The following SCN9A variants were observed in gnomAD, a reference collection of about 807,000 sequenced individuals.
SCN9A encodes sodium channel protein type 9 subunit alpha.
SCN9A carries 131 observed loss-of-function variants against 187.0 expected under a neutral mutation model. The ratio of observed to expected loss-of-function variants is 0.70; its 90% CI spans 0.61 to 0.81. SCN9A has a LOEUF of 0.81. SCN9A is among the 30% of genes least tolerant of loss of function. The probability of loss-of-function intolerance (pLI) is 0.00; values close to 1 mark genes in which losing one functional copy is unlikely to be tolerated. For missense variants in SCN9A, 2,252 were observed against 2,396.6 expected, an observed-to-expected ratio of 0.94 and a Z score of 1.26; for synonymous variants, 809 against 808.6, an observed-to-expected ratio of 1.00 and a Z score of -0.01.
chr2:166,256,963 C>T (rs1233640496), intron 17 of SCN9A, among the ~76,000 whole-genome samples: 1 of 151,590 alleles, frequency 6.6e-6, no homozygotes, highest in Non-Finnish European at 1.5e-5. Flanking sequence ...AAAGCAACAA[C>T]AGTTGGCCAT....
chr2:166,306,559 A>T lies in SCN9A; in HGVS notation c.418T>A (p.Cys140Ser). 1 of 1,584,172 alleles carries T rather than the reference A, an allele frequency of 6.3e-7. No homozygotes were observed. Among genetic ancestry groups the T allele is most frequent in the Non-Finnish European group, 8.6e-7 (1 of 1,162,768 alleles). The change falls in exon 4 of 27, where the codon TGC becomes AGC. Residue 140 changes from cysteine (C) to serine (S), a missense_variant. Physicochemically the swap from Cys to Ser is moderately radical, Grantham distance 112. Coordinates refer to ENST00000642356, the MANE Select transcript of SCN9A (RefSeq NM_001365536.1). Reference sequence around the variant, plus strand: ...GGGTTATTCATGGTCATAAATATGCAGTTTGTCAGAATAGTGCACATGATG... The same window carrying T: ...GGGTTATTCATGGTCATAAATATGCTGTTTGTCAGAATAGTGCACATGATG... ...MLIMCTILTN[C>S]IFMTMNNPPD... is the part of the protein sequence containing the mutation.
chr2:166,305,676 T>C, intron 5 of SCN9A, 116 bp downstream of exon 5: 1 of 1,397,654 alleles, frequency 7.2e-7, no homozygotes, highest in Non-Finnish European at 9.9e-7. Context: ...CATTTTCCTT[T>C]AAATACAGAC....
intron 24 of SCN9A, among the ~76,000 whole-genome samples, chr2:166,210,259 G>A (rs1302365998): frequency 4.0e-5 from 6 of 151,876 alleles, no homozygotes; most frequent in Admixed American, 2.0e-4. Flanking sequence ...TGAACAATGA[G>A]AACACATGGA....
At chr2:166,228,364 C>G (rs1193602702) in intron 22 of SCN9A, among the ~76,000 whole-genome samples, 1 of 144,940 alleles carries the variant, frequency 6.9e-6, no homozygotes, top group South Asian at 2.2e-4. Flanking sequence ...TCACGTGATT[C>G]TCCTGCCTCA....
chr2:166,219,575 G>T (rs541521431), intron 24 of SCN9A, among the ~76,000 whole-genome samples: 91 of 152,218 alleles, frequency 6.0e-4, no homozygotes, highest in South Asian at 2.1e-3. Flanking sequence ...ATGGGAGGGT[G>T]AAGGGTGGGA....
At chr2:166,206,506 G>T (rs1341214917) in intron 24 of SCN9A, among the ~76,000 whole-genome samples, 1 of 152,088 alleles carries the variant, frequency 6.6e-6, no homozygotes, top group African/African-American at 2.4e-5. Context: ...ACACACCAGG[G>T]GCAGTTAGGG....
chr2:166,306,444 G>T (rs1374389449), intron 4 of SCN9A, 66 bp downstream of exon 4: 2 of 901,994 alleles, frequency 2.2e-6, no homozygotes, highest in African/African-American at 1.7e-5. Flanking sequence ...TAACTTCCTG[G>T]CAGGAAAAGG....
chr2:166,371,406 C>T (rs1019339293), intron 1 of SCN9A, among the ~76,000 whole-genome samples: 1 of 152,168 alleles, frequency 6.6e-6, no homozygotes, highest in African/African-American at 2.4e-5. Flanking sequence ...AGAAGGGTTT[C>T]ATTCCTCCAA....
intron 1 of SCN9A, among the ~76,000 whole-genome samples, chr2:166,375,190 A>T (rs985442346): frequency 3.3e-5 from 5 of 152,124 alleles, no homozygotes; most frequent in Admixed American, 2.0e-4. Flanking sequence ...CCTGTCAATT[A>T]TTTGTGTTTG....
intron 18 of SCN9A, among the ~76,000 whole-genome samples, chr2:166,247,688 T>C (rs967062263): frequency 3.3e-5 from 5 of 152,132 alleles, no homozygotes; most frequent in Admixed American, 2.0e-4. Context: ...AGCTAATTTT[T>C]GTATTTTTAG....
In SCN9A at chr2:166,284,698, T is replaced by C. The variant is rs201137237; in HGVS notation, c.1729A>G (p.Ile577Val). 6 of 1,613,890 alleles carry C rather than the reference T, an allele frequency of 3.7e-6. No homozygotes were observed. Among genetic ancestry groups the C allele is most frequent in the Non-Finnish European group, 4.2e-6 (5 of 1,179,892 alleles). The change falls in exon 12 of 27, where the codon ATT becomes GTT. Residue 577 changes from isoleucine (I) to valine (V), a missense_variant. Physicochemically the swap from Ile to Val is conservative, Grantham distance 29. Transcript: ENST00000642356. Reference sequence around the variant, plus strand: ...CTTCTGCTCTCATTGTCTCCAAAAATGCTGTGCTCATCATCGGCAAATTCA... The same window carrying C: ...CTTCTGCTCTCATTGTCTCCAAAAACGCTGTGCTCATCATCGGCAAATTCA... The part of the protein sequence containing the change: ...ETEFADDEHS[I>V]FGDNESRRGS...
chr2:166,316,479 G>A (rs946209005), intron 1 of SCN9A, among the ~76,000 whole-genome samples: 15 of 152,236 alleles, frequency 9.9e-5, no homozygotes, highest in Non-Finnish European at 1.3e-4. Context: ...CAGATCATGA[G>A]GTCAGGAGAT....
At chr2:166,323,055 C>T (rs1321551663) in intron 1 of SCN9A, among the ~76,000 whole-genome samples, 1 of 152,098 alleles carries the variant, frequency 6.6e-6, no homozygotes, top group Non-Finnish European at 1.5e-5. Flanking sequence ...TTGTTTTGAA[C>T]TTTATATGAA....
chr2:166,311,329 C>CATATATATATATATATAT lies in SCN9A; in HGVS notation c.258+169_258+170insATATATATATATATATAT, dbSNP rs1559034298. On this transcript the variant is annotated intron_variant, in intron 2 of 26. Transcript: ENST00000642356. ...TTGAAAAAGTACAGATTCTGAATAT[C>CATATATATATATATATAT]CTATATATATATATATATATATATA... 1.3e-4 allele frequency among the ~76,000 whole-genome samples: 6 copies of CATATATATATATATATAT among 47,908 alleles called. 1 individual carries two copies. Among genetic ancestry groups the CATATATATATATATATAT allele is most frequent in the East Asian group, 9.7e-4 (1 of 1,032 alleles). 31.4% of individuals were successfully genotyped at this position (47,908 alleles called of 152,430 possible).
At position 166,219,864 on chromosome 2, in the gene SCN9A, G is replaced by A. The variant is rs543063089; in HGVS notation, c.4398+6703C>T. Among the ~76,000 whole-genome samples, 10 of 152,200 alleles carry A rather than the reference G, an allele frequency of 6.6e-5. No homozygotes were observed. In the South Asian group the frequency reaches 8.3e-4, roughly 13 times the overall value. ...TGAAGTGATGGTTATGTTAATTAGCGTGACTGAAAATTTCTACAATGTTTA... is the reference window on the plus strand; with the variant it reads ...TGAAGTGATGGTTATGTTAATTAGCATGACTGAAAATTTCTACAATGTTTA... On this transcript the variant is annotated intron_variant, in intron 24 of 26. Coordinates refer to ENST00000642356, the MANE Select transcript of SCN9A (RefSeq NM_001365536.1).
intron 21 of SCN9A, 95 bp from the exon 22 acceptor site, chr2:166,229,067 A>G (rs1694973111): frequency 9.9e-7 from 1 of 1,009,876 alleles, no homozygotes; most frequent in Non-Finnish European, 1.4e-6. Flanking sequence ...ATAAATTAGA[A>G]AAGCCGCCCT....
chr2:166,278,026 C>T, intron 15 of SCN9A, 114 bp downstream of exon 15: 1 of 725,780 alleles, frequency 1.4e-6, no homozygotes, highest in Admixed American at 3.2e-5. Flanking sequence ...TACTAGATAT[C>T]AAGATATAAT....
chr2:166,204,447 G>A lies in SCN9A; in HGVS notation c.4416C>T (p.Ile1472=), dbSNP rs758690111. The A allele has an allele frequency of 2.5e-6, 4 of 1,584,670 alleles. No homozygotes were observed. In the Admixed American group the frequency reaches 7.1e-5, roughly 28 times the overall value. Reference sequence around the variant, plus strand: ...ATTTCTTCTGTTCTTCTGTCATAAAGATGTCTTGACCTCCAAGGTAAAGAA... The same window carrying A: ...ATTTCTTCTGTTCTTCTGTCATAAAAATGTCTTGACCTCCAAGGTAAAGAA... The part of the protein sequence containing the change: ...QQKKKLGGQD[I]FMTEEQKKYY... Residue 1472 remains isoleucine (I), a synonymous_variant, in exon 25 of 27, where the codon ATC becomes ATT. Transcript: ENST00000642356.
In SCN9A at chr2:166,227,670, A is replaced by G. The variant is rs2106384980; in HGVS notation, c.4260T>C (p.Asn1420=). 7 of 1,504,098 alleles carry G rather than the reference A, an allele frequency of 4.7e-6. No homozygotes were observed. Among genetic ancestry groups the G allele is most frequent in the Non-Finnish European group, 6.4e-6 (7 of 1,101,016 alleles). The allele number at this position is 1,504,098 out of a possible 1,614,324, so 93.2% of individuals were successfully genotyped here. ...IIMYAAVDSV[N]VDKQPKYEYS... ...TAGTGCTAAGATAATCAATACTTAC[A>G]TTAACAGAATCCACTGCTGCATACA... The change falls in exon 23 of 27, where the codon AAT becomes AAC. Residue 1420 remains asparagine (N), a splice_region_variant and synonymous_variant. Coordinates refer to ENST00000642356, the MANE Select transcript of SCN9A (RefSeq NM_001365536.1).
Sources: gnomAD v4.1 joint callset for allele counts (sites outside exome capture counted in the v4.1 genomes callset) on GRCh38, gnomAD v4.1.1 for gene constraint, MANE v1.5 for transcripts, NCBI Gene and HGNC (gene_info 2026-07-23, HGNC 2026-07-21) for gene names.